NCK2: variants seen among roughly 807,000 people sequenced by gnomAD.
NCK2 encodes the protein cytoplasmic protein NCK2.
Under a neutral mutation model 33.9 loss-of-function variants are expected in NCK2, and 16 were observed. That is an observed-to-expected ratio of 0.47 (90% CI 0.32 to 0.72). The LOEUF (loss-of-function observed/expected upper bound fraction) is 0.72. Among genes scored for constraint, NCK2 ranks in the 30% least tolerant of loss-of-function variants. NCK2 has a pLI of 0.03. For synonymous variants in NCK2, 273 were observed against 239.9 expected (o/e 1.14, Z -1.27); for missense variants, 418 against 537.3 (o/e 0.78, Z 2.19).
chr2:105,758,636 C>T (rs979250512), intron 1 of NCK2, among the ~76,000 whole-genome samples: 1 of 151,972 alleles, frequency 6.6e-6, no homozygotes, highest in African/African-American at 2.4e-5. Flanking sequence ...TCTTGAACTC[C>T]TGACCTTGTG....
intron 1 of NCK2, among the ~76,000 whole-genome samples, chr2:105,790,384 G>A (rs796608430): frequency 2.1e-4 from 32 of 152,322 alleles, no homozygotes; most frequent in African/African-American, 7.2e-4. Context: ...AGGCTGGCAA[G>A]TAGCCTGACT....
chr2:105,813,689 G>A (rs527628017), intron 1 of NCK2, among the ~76,000 whole-genome samples: 358 of 152,304 alleles, frequency 2.4e-3, no homozygotes, highest in Non-Finnish European at 4.2e-3. Context: ...CAGCACACTC[G>A]CCCAACACTG....
chr2:105,797,505 G>A (rs1219675578), intron 1 of NCK2, among the ~76,000 whole-genome samples: 1 of 152,196 alleles, frequency 6.6e-6, no homozygotes, highest in Non-Finnish European at 1.5e-5. Flanking sequence ...CAGAAGGGAG[G>A]TTCTTAAATT....
upstream of NCK2, chr2:105,744,865 T>TCGCCGCCGC (rs1170930281): frequency 4.7e-3 from 726 of 153,936 alleles, 4 homozygotes; most frequent in South Asian, 0.011. Context: ...CGGGGGAGGG[T>TCGCCGCCGC]CGCCGCCGCC....
rs140177578 is a variant in NCK2, at chr2:105,814,024, A to G, written c.-200-2406A>G. ...TTGAATCCTTTGGTGAGGGCCTTCT[A>G]CAGTCCAAGTGACCGTATAGGTGTT... On this transcript the variant is annotated intron_variant, in intron 1 of 4. Transcript: ENST00000233154. Among the ~76,000 whole-genome samples the G allele has an allele frequency of 9.2e-5, 14 of 152,332 alleles. No individual in the cohort carries two copies. The East Asian group carries it at 1.2e-3, about 13-fold the overall frequency.
rs147765848 is a variant in NCK2, at chr2:105,753,911, T to C, written c.-201+8773T>C. Reference sequence around the variant, plus strand: ...GGCCAGGTCAAGTCCAAATGTAGATTCTTGGGAGACTGCTGCTACAGGTCC... The same window carrying C: ...GGCCAGGTCAAGTCCAAATGTAGATCCTTGGGAGACTGCTGCTACAGGTCC... On this transcript the variant is annotated intron_variant, in intron 1 of 4. Transcript: ENST00000233154. Among the ~76,000 whole-genome samples, 1,455 of 152,264 alleles carry C rather than the reference T, an allele frequency of 9.6e-3. 5 individuals carry two copies. The highest frequency in any genetic ancestry group is 0.016 in the Non-Finnish European group (1,084 of 68,026).
At chr2:105,837,737 T>G (rs1676486351) in intron 2 of NCK2, among the ~76,000 whole-genome samples, 1 of 152,240 alleles carries the variant, frequency 6.6e-6, no homozygotes, top group Non-Finnish European at 1.5e-5. Flanking sequence ...GTATTCCCAT[T>G]GATTTTCAAC....
At chr2:105,745,364 A>G (rs1226481693) in intron 1 of NCK2, among the ~76,000 whole-genome samples, 4 of 151,478 alleles carry the variant, frequency 2.6e-5, no homozygotes, top group Non-Finnish European at 4.4e-5. Context: ...CCGCCTTCCC[A>G]TCCCTAACCC....
chr2:105,867,613 C>T (rs1677813953), intron 3 of NCK2, among the ~76,000 whole-genome samples: 1 of 152,154 alleles, frequency 6.6e-6, no homozygotes. Context: ...GGTCCGTACC[C>T]TTGGAATACT....
At position 105,839,584 on chromosome 2, in the gene NCK2, T is replaced by G. The variant is rs181141144; in HGVS notation, c.-16-15464T>G. 1.4e-3 allele frequency among the ~76,000 whole-genome samples: 210 copies of G among 152,286 alleles called. 2 individuals are homozygous for G. Among genetic ancestry groups the G allele is most frequent in the African/African-American group, 4.9e-3 (204 of 41,556 alleles). On this transcript the variant is annotated intron_variant, in intron 2 of 4. Coordinates refer to ENST00000233154, the MANE Select transcript of NCK2 (RefSeq NM_003581.5). The stretch of plus-strand genomic sequence containing the variant: ...ACTGCGGGAGGCACAGGAGGTAGTT[T>G]GTTTATTTGATTGGTTTCCTTTTGT...
At chr2:105,749,969 G>A (rs1689400929) in intron 1 of NCK2, among the ~76,000 whole-genome samples, 1 of 151,496 alleles carries the variant, frequency 6.6e-6, no homozygotes, top group African/African-American at 2.4e-5. Context: ...GGCGGAGGTT[G>A]CAGTGAGCCA....
At chr2:105,769,323 C>T (rs548249012) in intron 1 of NCK2, among the ~76,000 whole-genome samples, 166 of 151,188 alleles carry the variant, frequency 1.1e-3, no homozygotes, top group African/African-American at 3.9e-3. Context: ...TTAAAGCCCT[C>T]CTCTCAGTAA....
intron 1 of NCK2, among the ~76,000 whole-genome samples, chr2:105,782,819 CCT>C (rs1277061675): frequency 6.6e-6 from 1 of 152,226 alleles, no homozygotes; most frequent in African/African-American, 2.4e-5. Flanking sequence ...ACAGCACCTG[CCT>C]CTCAGAGCTG....
chr2:105,825,761 A>G (rs1175219488), intron 2 of NCK2, among the ~76,000 whole-genome samples: 1 of 152,230 alleles, frequency 6.6e-6, no homozygotes, highest in Non-Finnish European at 1.5e-5. Context: ...TTGTAACTTT[A>G]CAGAAGGCAG....
chr2:105,873,784 T>C (rs184746844), intron 3 of NCK2, among the ~76,000 whole-genome samples: 84 of 152,300 alleles, frequency 5.5e-4, no homozygotes, highest in Admixed American at 8.5e-4. Context: ...GGGGTGCAAC[T>C]CTTGGTTGGG....
intron 1 of NCK2, among the ~76,000 whole-genome samples, chr2:105,791,884 T>A (rs1171895805): frequency 6.6e-6 from 1 of 152,248 alleles, no homozygotes. Context: ...TGAACTGATT[T>A]TTCTTTTTGG....
chr2:105,752,062 A>G (rs1279049432), intron 1 of NCK2, among the ~76,000 whole-genome samples: 1 of 152,202 alleles, frequency 6.6e-6, no homozygotes, highest in Non-Finnish European at 1.5e-5. Context: ...GAGGGCTTTG[A>G]AATTCAGCAT....
chr2:105,758,771 A>C (rs947694556), intron 1 of NCK2, among the ~76,000 whole-genome samples: 1 of 152,120 alleles, frequency 6.6e-6, no homozygotes, highest in African/African-American at 2.4e-5. Flanking sequence ...GTCAAGACTG[A>C]TACTTCTACC....
upstream of NCK2, chr2:105,744,813 G>C (rs574473456): frequency 4.0e-5 from 6 of 150,622 alleles, no homozygotes; most frequent in Admixed American, 6.7e-5. Flanking sequence ...GGAGGAGCGC[G>C]GGAGGAGGAG....
Sources: allele counts gnomAD v4.1 joint callset (sites outside exome capture counted in the v4.1 genomes callset), GRCh38; gene constraint gnomAD v4.1.1; transcripts MANE v1.5; gene names NCBI Gene and HGNC (gene_info 2026-07-23, HGNC 2026-07-21).